The following TCF3 variants were observed in gnomAD, a reference collection of about 807,000 sequenced individuals.
TCF3 encodes the protein transcription factor E2-alpha.
Under a neutral mutation model 72.3 loss-of-function variants are expected in TCF3, and 54 were observed. The ratio of observed to expected loss-of-function variants is 0.75; its 90% CI spans 0.60 to 0.94. The LOEUF is 0.94. Ranked by LOEUF, TCF3 falls within the 40% of genes least tolerant of loss-of-function variation. TCF3 has a pLI of 0.00. For synonymous variants in TCF3, 525 were observed against 412.6 expected, an observed-to-expected ratio of 1.27 and a Z score of -3.30; for missense variants, 1,078 against 934.4, an observed-to-expected ratio of 1.15 and a Z score of -2.00.
intron 18 of TCF3, among the ~76,000 whole-genome samples, chr19:1,613,804 G>C (rs2061279283): frequency 6.6e-6 from 1 of 152,140 alleles, no homozygotes; most frequent in African/African-American, 2.4e-5. Flanking sequence ...CTGAGCTCCT[G>C]CCCCTGGCTG....
rs1011966153 is a variant in TCF3 at position 1,619,297 on chromosome 19, A to C, written c.1326+19T>G. 13 of 1,566,712 alleles carry C rather than the reference A, an allele frequency of 8.3e-6. No homozygotes were observed. Among genetic ancestry groups the C allele is most frequent in the African/African-American group, 1.3e-5 (1 of 74,164 alleles). ...GGGTCCCCGCCCACTGCCCAGCTCC[A>C]CCCTCGCCCAGCGCTCACCAGGCCT... On this transcript the variant is annotated intron_variant, in intron 15 of 18. Transcript: ENST00000262965.
Position 1,615,567 on chromosome 19 carries a change from G to A in TCF3, c.1587-47C>T. On this transcript the variant is annotated intron_variant, in intron 17 of 18. Transcript: ENST00000262965. The surrounding 1 kb of genome is among the most constrained non-coding windows in gnomAD (Gnocchi z 7.3). ...GGGGCCAGAGGGAGACAGTGAGGTT[G>A]GGGGAAGAGCGTGGGGCCCGCCGAC... The A allele has an allele frequency of 1.2e-6, 2 of 1,604,886 alleles. No individual in the cohort carries two copies. The highest frequency in any genetic ancestry group is 1.7e-6 in the Non-Finnish European group (2 of 1,179,754).
rs1213166108 is a variant in TCF3, at chr19:1,615,831, G to A, written c.1451-10C>T. 1 of 1,539,808 alleles carries A rather than the reference G, an allele frequency of 6.5e-7. No homozygotes were observed. Among genetic ancestry groups the A allele is most frequent in the Non-Finnish European group, 8.8e-7 (1 of 1,140,576 alleles). ...CCTGCTCGCCCTAGCCCTGCAACAGGCCTAGGGTCAGGGGCCTGCGTCGGC... is the reference window on the plus strand; with the variant it reads ...CCTGCTCGCCCTAGCCCTGCAACAGACCTAGGGTCAGGGGCCTGCGTCGGC... On this transcript the variant is annotated splice_polypyrimidine_tract_variant and intron_variant, in intron 16 of 18. Transcript: ENST00000262965. This position sits in a 1 kb window ranked among gnomAD's most constrained non-coding sequence, Gnocchi z 7.3.
rs1181810644 is a variant in TCF3, at chr19:1,646,422, G to A, written c.78C>T (p.Phe26=). ...LSDLLDFSMM[F]PLPVTNGKGR... is the part of the protein sequence containing the mutation. The stretch of plus-strand genomic sequence containing the variant: ...CCTTCCCGTTGGTGACAGGCAGCGG[G>A]AACATCTGCAGGGAGGGGAGGGGAG... The change falls in exon 3 of 19, where the codon TTC becomes TTT. Residue 26 remains phenylalanine (F), a synonymous_variant. Transcript: ENST00000262965. 7 of 1,546,018 alleles carry A rather than the reference G, an allele frequency of 4.5e-6. No individual in the cohort carries two copies. Among genetic ancestry groups the A allele is most frequent in the Admixed American group, 2.0e-5 (1 of 50,878 alleles).
chr19:1,644,668 G>A (rs781278525), intron 3 of TCF3, among the ~76,000 whole-genome samples: 48 of 152,170 alleles, frequency 3.2e-4, no homozygotes, highest in Non-Finnish European at 5.9e-4. Flanking sequence ...CCAGGGAGAG[G>A]CAACCCAGAG....
At chr19:1,629,587 C>T (rs1172733855) in intron 5 of TCF3, among the ~76,000 whole-genome samples, 5 of 152,032 alleles carry the variant, frequency 3.3e-5, no homozygotes, top group Non-Finnish European at 4.4e-5. Flanking sequence ...CCTGCCGGGG[C>T]GAGCCCCCAG....
At chr19:1,623,028 T>C (rs2062438172) in intron 8 of TCF3, among the ~76,000 whole-genome samples, 1 of 152,040 alleles carries the variant, frequency 6.6e-6, no homozygotes, top group South Asian at 2.1e-4. Context: ...AAGTGCACCC[T>C]GGGGAAGGAG....
In TCF3 at chr19:1,612,539, T is replaced by G; in HGVS notation, c.1823-690A>C. 3 of 1,110,794 alleles carry G rather than the reference T, an allele frequency of 2.7e-6. No homozygotes were observed. The South Asian group carries it at 4.3e-5, about 16-fold the overall frequency. The allele number at this position is 1,110,794 out of a possible 1,614,324, so 68.8% of individuals were successfully genotyped here. On this transcript the variant is annotated intron_variant, in intron 18 of 18. Transcript: ENST00000262965. ...CCAGCTACTTGTGTTTGTGCTGGTG[T>G]GGGCAGCAGTGTGGGTACACGGCTG...
At chr19:1,648,062 T>TG in intron 2 of TCF3, among the ~76,000 whole-genome samples, 1 of 152,176 alleles carries the variant, frequency 6.6e-6, no homozygotes. Flanking sequence ...CCCAGGCCAG[T>TG]GCTGGCGGGT....
At position 1,627,375 on chromosome 19, in the gene TCF3, A is replaced by G. The variant is rs368651876; in HGVS notation, c.350T>C (p.Val117Ala). The G allele has an allele frequency of 2.5e-6, 4 of 1,610,936 alleles. No individual in the cohort carries two copies. The East Asian group carries it at 6.7e-5, about 27-fold the overall frequency. Residue 117 changes from valine (V) to alanine (A), a missense_variant, in exon 6 of 19, where the codon GTG becomes GCG. Coordinates refer to ENST00000262965, the MANE Select transcript of TCF3 (RefSeq NM_003200.5). ...GCCCCTCACCTGAGTCAGGCCGCCC[A>G]CGCCTGCGTCTCTCCCGAAGGAGGC... ...AYASFGRDAG[V>A]GGLTQAGFLS...
At chr19:1,620,864 G>A (rs1234219398) in intron 13 of TCF3, 104 bp downstream of exon 13, 2 of 1,206,280 alleles carry the variant, frequency 1.7e-6, no homozygotes, top group Non-Finnish European at 1.1e-6. Flanking sequence ...GCAGACACCA[G>A]AACCAGCCTC....
intron 1 of TCF3, 98 bp downstream of exon 1, chr19:1,652,179 CCGCCCCCGCCCCAACTTCCTCCG>C (rs1373445583): frequency 5.0e-5 from 7 of 139,902 alleles, no homozygotes; most frequent in Non-Finnish European, 4.7e-5. Flanking sequence ...CCCCCCGACA[CCGCCCCCGCCCCAACTTCCTCCG>C]CGCCCCCCCC....
At chr19:1,618,430 G>A (rs1442950353) in intron 16 of TCF3, among the ~76,000 whole-genome samples, 1 of 152,008 alleles carries the variant, frequency 6.6e-6, no homozygotes, top group African/African-American at 2.4e-5. Flanking sequence ...GCCCTCCACG[G>A]CTGCCACCTT....
At chr19:1,619,669 A>C in intron 14 of TCF3, 111 bp downstream of exon 14, 4 of 1,275,304 alleles carry the variant, frequency 3.1e-6, no homozygotes, top group Non-Finnish European at 4.3e-6. Context: ...CCTCAATAAC[A>C]GCTTGGGGCT....
intron 7 of TCF3, among the ~76,000 whole-genome samples, chr19:1,624,209 AAC>A (rs1185825500): frequency 3.3e-5 from 5 of 152,208 alleles, no homozygotes; most frequent in African/African-American, 1.2e-4. Context: ...CATCCTGGCC[AAC>A]ACAGTGAAAC....
chr19:1,632,205 ACCC>A, intron 4 of TCF3, 89 bp from the exon 5 acceptor site: 4 of 1,556,204 alleles, frequency 2.6e-6, no homozygotes, highest in Non-Finnish European at 3.5e-6. Context: ...CAGGACTCAA[ACCC>A]ATGTCCCCCA....
At position 1,611,371 on chromosome 19, in the gene TCF3, T is replaced by C; in HGVS notation, c.*336A>G. 1 of 397,712 alleles carries C rather than the reference T, an allele frequency of 2.5e-6. No homozygotes were observed. The highest frequency in any genetic ancestry group is 4.4e-6 in the Non-Finnish European group (1 of 226,744). The allele number at this position is 397,712 out of a possible 1,614,324, so 24.6% of individuals were successfully genotyped here. A position where few individuals can be genotyped will look rare whatever the true frequency, so the allele number is the denominator to read the frequency against. ...TTGCTTGCTTTCAGGTTTTGTTTAC[T>C]GGAAAAAAAAAAAATGCTCCTGTCA... is the stretch of plus-strand genomic sequence containing the variant. On this transcript the variant is annotated 3_prime_UTR_variant, in exon 19 of 19. Transcript: ENST00000262965.
intron 2 of TCF3, 122 bp downstream of exon 2, chr19:1,650,055 C>G: frequency 9.9e-7 from 1 of 1,006,134 alleles, no homozygotes; most frequent in Non-Finnish European, 1.4e-6. Flanking sequence ...CCACCGGGGC[C>G]TCCCATCCAA....
intron 5 of TCF3, 170 bp downstream of exon 5, chr19:1,631,868 C>T: frequency 1.3e-6 from 2 of 1,507,100 alleles, no homozygotes; most frequent in East Asian, 2.5e-5. Context: ...CGGGCCACGT[C>T]CCCTGCACCT....
Sources: allele counts gnomAD v4.1 joint callset (sites outside exome capture counted in the v4.1 genomes callset), GRCh38; gene constraint gnomAD v4.1.1; non-coding constraint Gnocchi (gnomAD v3.1); transcripts MANE v1.5; gene names NCBI Gene and HGNC (gene_info 2026-07-23, HGNC 2026-07-21).